Variants in RILPL1 observed in about 807,000 individuals in gnomAD.
RILPL1 encodes RILP-like protein 1.
Under a neutral mutation model 50.3 loss-of-function variants are expected in RILPL1, and 33 were observed. The observed-to-expected ratio is 0.66, with a 90% CI of 0.50 to 0.88. The LOEUF (loss-of-function observed/expected upper bound fraction) is 0.88. Ranked by LOEUF, RILPL1 falls within the 40% of genes least tolerant of loss-of-function variation. The pLI, the probability that RILPL1 is intolerant of heterozygous loss-of-function variation, is 0.00. For missense variants in RILPL1, 418 were observed against 542.5 expected (o/e 0.77, Z 2.28); for synonymous variants, 205 against 228.6 (o/e 0.90, Z 0.93).
In RILPL1 at chr12:123,492,087, A is replaced by C. The variant is rs189275097; in HGVS notation, c.802-6282T>G. 7.2e-5 allele frequency among the ~76,000 whole-genome samples: 11 copies of C among 152,192 alleles called. No homozygotes were observed. The East Asian group carries it at 2.1e-3, about 29-fold the overall frequency. On this transcript the variant is annotated intron_variant, in intron 4 of 6. Coordinates refer to ENST00000376874, the MANE Select transcript of RILPL1 (RefSeq NM_178314.5). ...TCAGGAGTTCAAGACCAGCCTGACC[A>C]ACATGGGGAAACCCTGTCTCTACTA... is the stretch of plus-strand genomic sequence containing the variant.
chr12:123,493,877 C>T (rs1216903817), intron 4 of RILPL1, among the ~76,000 whole-genome samples: 1 of 151,732 alleles, frequency 6.6e-6, no homozygotes, highest in Admixed American at 6.6e-5. Context: ...CTCCACCTCC[C>T]GGGTTCAAGC....
Position 123,485,692 on chromosome 12 carries a change from CTCGT to C in RILPL1, c.911_914del (p.His304ArgfsTer137), listed in dbSNP as rs1882278927. 1 of 1,613,706 alleles carries C rather than the reference CTCGT, an allele frequency of 6.2e-7. No individual in the cohort carries two copies. Among genetic ancestry groups the C allele is most frequent in the Admixed American group, 1.7e-5 (1 of 59,962 alleles). ...ACACCTTGGACTTGAGCTCGTTCCTCTCGTGCAGCACGTCCCGCAGCTCCTGCAG... is the reference window on the plus strand; with the variant it reads ...ACACCTTGGACTTGAGCTCGTTCCTCGCAGCACGTCCCGCAGCTCCTGCAG... On this transcript the variant is annotated frameshift_variant, in exon 5 of 7. Transcript: ENST00000376874. LOFTEE classifies it high-confidence loss of function. The surrounding 1 kb of genome is among the most constrained non-coding windows in gnomAD (Gnocchi z 4.0).
Position 123,501,470 on chromosome 12 carries a change from A to AC in RILPL1, c.461-1935_461-1934insG, listed in dbSNP as rs1441349215. Among the ~76,000 whole-genome samples the AC allele has an allele frequency of 1.7e-3, 252 of 151,012 alleles. 2 individuals carry two copies. Among genetic ancestry groups the AC allele is most frequent in the African/African-American group, 6.0e-3 (246 of 40,886 alleles). Reference sequence around the variant, plus strand: ...AACAAACAAACAAACAAACAAACAAAAAACCTCAGGCTGGGTGCCGGTGGC... The same window carrying AC: ...AACAAACAAACAAACAAACAAACAAACAAACCTCAGGCTGGGTGCCGGTGGC... On this transcript the variant is annotated intron_variant, in intron 2 of 6. Transcript: ENST00000376874.
rs1185220487 is a variant in RILPL1 at position 123,504,322 on chromosome 12, TC to T, written c.461-4787del. On this transcript the variant is annotated intron_variant, in intron 2 of 6. Coordinates refer to ENST00000376874, the MANE Select transcript of RILPL1 (RefSeq NM_178314.5). ...CTCAGCTATTTCTTTGGCATGACTT[TC>T]CCCCCCGGGTGCGCCATTGCATCAG... Among the ~76,000 whole-genome samples, 25 of 150,532 alleles carry T rather than the reference TC, an allele frequency of 1.7e-4. No individual in the cohort carries two copies. The East Asian group carries it at 3.4e-3, about 20-fold the overall frequency.
chr12:123,513,947 T>G (rs1315866555), intron 2 of RILPL1: 1 of 152,136 alleles, frequency 6.6e-6, no homozygotes, highest in Non-Finnish European at 1.5e-5. Context: ...CAAGGCACTG[T>G]CCAGGCAGTG....
intron 6 of RILPL1, among the ~76,000 whole-genome samples, chr12:123,480,158 C>CTTTT (rs957649286): frequency 1.7e-5 from 2 of 117,024 alleles, no homozygotes; most frequent in African/African-American, 3.1e-5. Context: ...AAGGCTGATT[C>CTTTT]TTTTTTTTTT....
chr12:123,480,262 G>C (rs910340299), intron 6 of RILPL1, among the ~76,000 whole-genome samples: 15 of 150,728 alleles, frequency 1.0e-4, no homozygotes, highest in Non-Finnish European at 1.5e-4. Context: ...TGGAGTTCAA[G>C]CAATTTTCCT....
chr12:123,497,068 T>C (rs1217365550), intron 4 of RILPL1, among the ~76,000 whole-genome samples: 1 of 152,228 alleles, frequency 6.6e-6, no homozygotes, highest in African/African-American at 2.4e-5. Context: ...CTGGCTTCTT[T>C]CACTCCGCGT....
Position 123,470,473 on chromosome 12 carries a change from CAAA to C in RILPL1, c.*2062_*2064del, listed in dbSNP as rs57574691. On this transcript the variant is annotated 3_prime_UTR_variant, in exon 7 of 7. Transcript: ENST00000376874. ...AGGTGACAGAGTGAGACCCTGTGTC[CAAA>C]AAAAAAAAAAAAAAAAAGGCCAGCC... 88 of 86,134 alleles carry C rather than the reference CAAA, an allele frequency of 1.0e-3. No individual in the cohort carries two copies. Among genetic ancestry groups the C allele is most frequent in the East Asian group, 1.5e-3 (4 of 2,634 alleles). The allele number at this position is 86,134 out of a possible 1,614,324, so 5.3% of individuals were successfully genotyped here.
chr12:123,494,194 A>G (rs1241127108), intron 4 of RILPL1, among the ~76,000 whole-genome samples: 2 of 152,214 alleles, frequency 1.3e-5, no homozygotes, highest in Non-Finnish European at 2.9e-5. Flanking sequence ...CTCACTTGTC[A>G]GATGACGAAA....
intron 2 of RILPL1, among the ~76,000 whole-genome samples, chr12:123,511,560 G>C (rs1480768763): frequency 2.9e-5 from 4 of 136,072 alleles, no homozygotes. Flanking sequence ...GTCTGTGTGT[G>C]TGGTATGTGT....
At chr12:123,484,838 G>A (rs1415656952) in intron 5 of RILPL1, 6 of 253,882 alleles carry the variant, frequency 2.4e-5, no homozygotes, top group Admixed American at 8.9e-5. Context: ...AAAAATTTTT[G>A]TGTAGAGATG....
chr12:123,521,801 C>G (rs1300699890), intron 2 of RILPL1, among the ~76,000 whole-genome samples: 6 of 148,714 alleles, frequency 4.0e-5, no homozygotes, highest in African/African-American at 1.5e-4. Flanking sequence ...GAGACATAGT[C>G]TTGCTCTGTC....
At chr12:123,472,917 T>C (rs929153184) in intron 6 of RILPL1, 4 of 502,542 alleles carry the variant, frequency 8.0e-6, no homozygotes, top group Non-Finnish European at 1.4e-5. Flanking sequence ...AAGGCATGCA[T>C]GCTGATGTGA....
intron 1 of RILPL1, among the ~76,000 whole-genome samples, 189 bp downstream of exon 1, chr12:123,532,985 G>A (rs1471730187): frequency 6.6e-6 from 1 of 152,184 alleles, no homozygotes; most frequent in African/African-American, 2.4e-5. Context: ...TAATCTCTCG[G>A]GTGGTATCTG....
Position 123,533,506 on chromosome 12 carries a change from C to A in RILPL1, c.-24G>T, listed in dbSNP as rs1027858999. ...ATGGCCACCCTCCTGGCCTGTCCCC[C>A]GCCCCGCAAACTCGTGCAACTCCCA... On this transcript the variant is annotated 5_prime_UTR_variant, in exon 1 of 7. Transcript: ENST00000376874. This position sits in a 1 kb window ranked among gnomAD's most constrained non-coding sequence, Gnocchi z 6.2. 8.8e-6 allele frequency: 13 copies of A among 1,480,084 alleles called. No individual in the cohort carries two copies. The Admixed American group carries it at 1.0e-4, about 12-fold the overall frequency. The allele number at this position is 1,480,084 out of a possible 1,614,324, so 91.7% of individuals were successfully genotyped here.
In RILPL1 at chr12:123,499,392, A is replaced by T. The variant is rs375132187; in HGVS notation, c.579+26T>A. 25 of 1,542,998 alleles carry T rather than the reference A, an allele frequency of 1.6e-5. No homozygotes were observed. The African/African-American group carries it at 3.1e-4, about 19-fold the overall frequency. Reference sequence around the variant, plus strand: ...TGGCACCTACTGGCTGGGAGGGTGGACGCAGGTCAGGGGTGTGTCACTCAC... The same window carrying T: ...TGGCACCTACTGGCTGGGAGGGTGGTCGCAGGTCAGGGGTGTGTCACTCAC... On this transcript the variant is annotated intron_variant, in intron 3 of 6. Coordinates refer to ENST00000376874, the MANE Select transcript of RILPL1 (RefSeq NM_178314.5).
chr12:123,527,963 C>T (rs1470603134), intron 1 of RILPL1, among the ~76,000 whole-genome samples: 1 of 152,190 alleles, frequency 6.6e-6, no homozygotes, highest in Non-Finnish European at 1.5e-5. Context: ...TTTCCGACTT[C>T]TGACGTCCGG....
chr12:123,494,856 C>T lies in RILPL1; in HGVS notation c.801+3688G>A, dbSNP rs570597659. On this transcript the variant is annotated intron_variant, in intron 4 of 6. Coordinates refer to ENST00000376874, the MANE Select transcript of RILPL1 (RefSeq NM_178314.5). The stretch of plus-strand genomic sequence containing the variant: ...GCCTGCTGAACCCCTGCGAGGGACC[C>T]GCACCCCTACTACTCAGAGCTCTGT... Among the ~76,000 whole-genome samples, 6 of 152,282 alleles carry T rather than the reference C, an allele frequency of 3.9e-5. No individual in the cohort carries two copies. The South Asian group carries it at 6.2e-4, about 16-fold the overall frequency.
Sources: allele counts gnomAD v4.1 joint callset (sites outside exome capture counted in the v4.1 genomes callset), GRCh38; gene constraint gnomAD v4.1.1; non-coding constraint Gnocchi (gnomAD v3.1); transcripts MANE v1.5; gene names NCBI Gene and HGNC (gene_info 2026-07-23, HGNC 2026-07-21).